Variants in CYFIP1 observed in about 807,000 individuals in gnomAD.
CYFIP1 encodes the protein cytoplasmic FMR1-interacting protein 1.
Under a neutral mutation model 163.5 loss-of-function variants are expected in CYFIP1, and 58 were observed. The ratio of observed to expected loss-of-function variants is 0.35; its 90% CI spans 0.29 to 0.44. The LOEUF (loss-of-function observed/expected upper bound fraction) is 0.44, where lower values mean the gene tolerates loss of function less well. Ranked by LOEUF, CYFIP1 falls within the 20% of genes least tolerant of loss-of-function variation. CYFIP1 has a pLI of 1.00. For synonymous variants in CYFIP1, 663 were observed against 660.7 expected, an observed-to-expected ratio of 1.00 and a Z score of -0.05; for missense variants, 1,338 against 1,653.8, an observed-to-expected ratio of 0.81 and a Z score of 3.31.
At chr15:22,898,745 T>C (rs1230652483) in intron 22 of CYFIP1, among the ~76,000 whole-genome samples, 1 of 152,074 alleles carries the variant, frequency 6.6e-6, no homozygotes, top group Non-Finnish European at 1.5e-5. Flanking sequence ...GGCTCATGCC[T>C]GTAATCCCAG....
At chr15:22,960,056 A>G (rs891949450) in intron 1 of CYFIP1, among the ~76,000 whole-genome samples, 1 of 152,116 alleles carries the variant, frequency 6.6e-6, no homozygotes, top group Admixed American at 6.5e-5. Context: ...ACCCACGAGG[A>G]GCTGCAGGCT....
intron 8 of CYFIP1, 21 bp downstream of exon 8, chr15:22,939,171 C>T (rs368488686): frequency 1.2e-6 from 2 of 1,613,902 alleles, no homozygotes; most frequent in African/African-American, 1.3e-5. Flanking sequence ...GTGCCACGGG[C>T]TAGCGTCCCC....
chr15:22,897,200 C>T (rs570431503), intron 22 of CYFIP1, among the ~76,000 whole-genome samples: 1 of 152,002 alleles, frequency 6.6e-6, no homozygotes, highest in East Asian at 1.9e-4. Flanking sequence ...GCAACAAGAG[C>T]AAAACTCTGT....
intron 21 of CYFIP1, chr15:22,905,220 A>C (rs2060529764): frequency 6.6e-6 from 1 of 152,158 alleles, no homozygotes; most frequent in Admixed American, 6.5e-5. Flanking sequence ...AGTATTTCTA[A>C]GTGTTGACAA....
At position 22,918,863 on chromosome 15, in the gene CYFIP1, G is replaced by A. The variant is rs200973121; in HGVS notation, c.1360-5C>T. The A allele has an allele frequency of 1.7e-4, 278 of 1,589,678 alleles. No individual in the cohort carries two copies. The highest frequency in any genetic ancestry group is 3.8e-4 in the Middle Eastern group (2 of 5,306). On this transcript the variant is annotated splice_region_variant and splice_polypyrimidine_tract_variant and intron_variant, in intron 13 of 30. Coordinates refer to ENST00000617928, the MANE Select transcript of CYFIP1 (RefSeq NM_014608.6). ...GCCTTTGATCATGGCGATCACCTGCGGGGGACACAGCAACAGGGACGGCCC... is the reference window on the plus strand; with the variant it reads ...GCCTTTGATCATGGCGATCACCTGCAGGGGACACAGCAACAGGGACGGCCC...
At chr15:22,960,547 G>A (rs2062641504) in intron 1 of CYFIP1, among the ~76,000 whole-genome samples, 1 of 152,186 alleles carries the variant, frequency 6.6e-6, no homozygotes, top group Non-Finnish European at 1.5e-5. Flanking sequence ...GAAAACTGTG[G>A]GAAAGGTATC....
intron 30 of CYFIP1, among the ~76,000 whole-genome samples, chr15:22,870,936 C>T (rs1028310364): frequency 3.3e-5 from 5 of 152,316 alleles, no homozygotes; most frequent in South Asian, 2.1e-4. Flanking sequence ...GCAAACAAAA[C>T]GCTTTGAAAA....
chr15:22,949,515 G>C (rs1420372005), intron 1 of CYFIP1, among the ~76,000 whole-genome samples: 2 of 152,166 alleles, frequency 1.3e-5, no homozygotes, highest in Admixed American at 1.3e-4. Context: ...CAGGCTAAGC[G>C]GCGAGGGCGC....
In CYFIP1 at chr15:22,916,462, A is replaced by C. The variant is rs1256954120; in HGVS notation, c.1828+15T>G. ...GGACATGCCAGGCCGGATGCTGCTC[A>C]GCAGTATCTCTTACCACTGAAATTT... is the stretch of plus-strand genomic sequence containing the variant. On this transcript the variant is annotated intron_variant, in intron 16 of 30. Transcript: ENST00000617928. 8 of 1,579,240 alleles carry C rather than the reference A, an allele frequency of 5.1e-6. No homozygotes were observed. Among genetic ancestry groups the C allele is most frequent in the Non-Finnish European group, 7.0e-6 (8 of 1,150,922 alleles).
At chr15:22,930,389 C>CAAAAAAAAA (rs35398202) in intron 11 of CYFIP1, among the ~76,000 whole-genome samples, 5 of 114,068 alleles carry the variant, frequency 4.4e-5, no homozygotes, top group African/African-American at 1.3e-4. Flanking sequence ...CCGTCTCACC[C>CAAAAAAAAA]AAAAAAAAAA....
intron 12 of CYFIP1, among the ~76,000 whole-genome samples, chr15:22,927,430 C>G (rs962892012): frequency 2.1e-5 from 3 of 146,226 alleles, no homozygotes; most frequent in Non-Finnish European, 4.5e-5. Context: ...TTGCAGTGAG[C>G]CGAGATCACG....
chr15:22,932,205 C>A lies in CYFIP1; in HGVS notation c.1110+18G>T, dbSNP rs750854332. On this transcript the variant is annotated intron_variant, in intron 11 of 30. Coordinates refer to ENST00000617928, the MANE Select transcript of CYFIP1 (RefSeq NM_014608.6). ...GCGACCCTCGGGTGCCTGTGCAGCT[C>A]CAGGTCGCGGGGCGCACCTCGCTGT... The A allele has an allele frequency of 1.9e-6, 3 of 1,593,520 alleles. No homozygotes were observed. The highest frequency in any genetic ancestry group is 1.7e-5 in the Admixed American group (1 of 57,574).
At chr15:22,900,482 T>C (rs888890773) in intron 22 of CYFIP1, among the ~76,000 whole-genome samples, 1 of 148,290 alleles carries the variant, frequency 6.7e-6, no homozygotes, top group African/African-American at 2.5e-5. Flanking sequence ...CACTGCAACC[T>C]CCGCTGCCCG....
rs927977060 is a variant in CYFIP1 at position 22,941,280 on chromosome 15, T to G, written c.570-1773A>C. ...TCTTGCTATGTTACCCAGACTGGTC[T>G]CAAATTCCTGGGCTCAAGTGATCCT... On this transcript the variant is annotated intron_variant, in intron 6 of 30. Transcript: ENST00000617928. Among the ~76,000 whole-genome samples the G allele has an allele frequency of 2.6e-5, 4 of 152,060 alleles. No individual in the cohort carries two copies. In the East Asian group the frequency reaches 7.8e-4, roughly 29 times the overall value.
At chr15:22,875,346 ACTT>A (rs2059553586) in intron 26 of CYFIP1, 75 bp from the exon 27 acceptor site, 1 of 1,234,846 alleles carries the variant, frequency 8.1e-7, no homozygotes, top group Admixed American at 1.7e-5. Flanking sequence ...AAAACCAAGA[ACTT>A]CTTTGCCTTT....
chr15:22,956,723 G>A (rs2140168291), intron 1 of CYFIP1, among the ~76,000 whole-genome samples: 1 of 152,318 alleles, frequency 6.6e-6, no homozygotes, highest in South Asian at 2.1e-4. Flanking sequence ...CGGCCCCACT[G>A]CCGCCCCGAG....
rs1366643279 is a variant in CYFIP1 at position 22,944,934 on chromosome 15, C to T, written c.213G>A (p.Glu71=). 1 of 1,613,946 alleles carries T rather than the reference C, an allele frequency of 6.2e-7. No individual in the cohort carries two copies. Among genetic ancestry groups the T allele is most frequent in the East Asian group, 2.2e-5 (1 of 44,890 alleles). ...CATATTCTTGGCCCTCCTCCAGCAT[C>T]TCGTTCTGCAATGGAACACAGGGCA... is the stretch of plus-strand genomic sequence containing the variant. ...EQATVHSSMN[E]MLEEGQEYAV... The change falls in exon 4 of 31, where the codon GAG becomes GAA. Residue 71 remains glutamate, a synonymous_variant. Coordinates refer to ENST00000617928, the MANE Select transcript of CYFIP1 (RefSeq NM_014608.6).
intron 23 of CYFIP1, among the ~76,000 whole-genome samples, chr15:22,888,094 T>C (rs376064133): frequency 6.6e-6 from 1 of 152,214 alleles, no homozygotes; most frequent in African/African-American, 2.4e-5. Context: ...AGTGGTGACA[T>C]GACCAAGAAC....
At chr15:22,953,417 C>T (rs539723227) in intron 1 of CYFIP1, among the ~76,000 whole-genome samples, 3 of 152,312 alleles carry the variant, frequency 2.0e-5, no homozygotes, top group African/African-American at 7.2e-5. Context: ...AAAGGCAATG[C>T]GTGACTCCAG....
Sources: gnomAD v4.1 joint callset for allele counts (sites outside exome capture counted in the v4.1 genomes callset) on GRCh38, gnomAD v4.1.1 for gene constraint, MANE v1.5 for transcripts, NCBI Gene and HGNC (gene_info 2026-07-23, HGNC 2026-07-21) for gene names.